The following MKLN1 variants were observed in gnomAD, a reference collection of about 807,000 sequenced individuals.
The protein encoded by MKLN1 is muskelin.
A neutral mutation model predicts 99.0 loss-of-function variants in MKLN1; 18 were observed. The ratio of observed to expected loss-of-function variants is 0.18; its 90% CI spans 0.13 to 0.27. The LOEUF (loss-of-function observed/expected upper bound fraction) is 0.27. Among genes scored for constraint, MKLN1 ranks in the 10% least tolerant of loss-of-function variants. The pLI, the probability that MKLN1 is intolerant of heterozygous loss-of-function variation, is 1.00. For synonymous variants in MKLN1, 288 were observed against 293.2 expected (o/e 0.98, Z 0.18); for missense variants, 621 against 875.9 (o/e 0.71, Z 3.67).
chr7:131,399,116 A>T (rs1773560607), intron 5 of MKLN1, 125 bp from the exon 6 acceptor site: 1 of 794,004 alleles, frequency 1.3e-6, no homozygotes, highest in Non-Finnish European at 2.0e-6. Flanking sequence ...CAGGTTAGTA[A>T]ACTGCTTGGC....
chr7:131,245,139 T>G (rs1034332820), intron 3 of MKLN1, among the ~76,000 whole-genome samples: 1 of 152,174 alleles, frequency 6.6e-6, no homozygotes, highest in Non-Finnish European at 1.5e-5. Context: ...ACCAAATCAC[T>G]GTTATTAATT....
chr7:131,233,179 AAAAC>A (rs760190482), intron 3 of MKLN1, among the ~76,000 whole-genome samples: 4 of 152,142 alleles, frequency 2.6e-5, no homozygotes, highest in Middle Eastern at 3.4e-3. Flanking sequence ...GTCTTGGCAA[AAAAC>A]AAACAAACAA....
chr7:131,201,101 C>A (rs546109193), intron 2 of MKLN1, among the ~76,000 whole-genome samples: 92 of 152,146 alleles, frequency 6.0e-4, no homozygotes, highest in Non-Finnish European at 8.4e-4. Flanking sequence ...CTCACTGCAA[C>A]CTTCGCCTCC....
At position 131,411,293 on chromosome 7, in the gene MKLN1, TC is replaced by T; in HGVS notation, c.704-12del. On this transcript the variant is annotated splice_polypyrimidine_tract_variant and intron_variant, in intron 6 of 17. Transcript: ENST00000352689. ...TTAAGGTGTAATTCTTTCTCATTCT[TC>T]AATATTTGCAGATGGCTTGTTCAAT... is the stretch of plus-strand genomic sequence containing the variant. 6.4e-7 allele frequency: 1 copy of T among 1,552,186 alleles called. No homozygotes were observed. Among genetic ancestry groups the T allele is most frequent in the Non-Finnish European group, 8.9e-7 (1 of 1,125,162 alleles).
chr7:131,237,274 C>CA (rs1248560127), intron 3 of MKLN1, among the ~76,000 whole-genome samples: 13 of 152,282 alleles, frequency 8.5e-5, no homozygotes, highest in Non-Finnish European at 1.5e-4. Flanking sequence ...TTTACATTCC[C>CA]ATACTCCTAT....
intron 5 of MKLN1, among the ~76,000 whole-genome samples, chr7:131,398,803 A>G (rs1472922791): frequency 6.6e-6 from 1 of 152,240 alleles, no homozygotes; most frequent in East Asian, 1.9e-4. Context: ...TCATTCAAGT[A>G]ATAGTTTATT....
At chr7:131,121,408 A>G (rs1795366814) in intron 1 of MKLN1, among the ~76,000 whole-genome samples, 1 of 152,074 alleles carries the variant, frequency 6.6e-6, no homozygotes, top group African/African-American at 2.4e-5. Context: ...AGAACCAACT[A>G]AATTCCTTTT....
chr7:131,201,376 T>C (rs1440229115), intron 2 of MKLN1, among the ~76,000 whole-genome samples: 1 of 152,214 alleles, frequency 6.6e-6, no homozygotes, highest in African/African-American at 2.4e-5. Flanking sequence ...CACTAAGGCA[T>C]ACTGAGGAAG....
At chr7:131,273,353 T>C (rs1170055429) in intron 3 of MKLN1, among the ~76,000 whole-genome samples, 2 of 128 alleles carry the variant, frequency 0.016, no homozygotes, top group African/African-American at 0.05. Flanking sequence ...AAAGGTCCAT[T>C]TTTTTAGCAT....
At chr7:131,329,483 A>G (rs550902628) in intron 1 of MKLN1, among the ~76,000 whole-genome samples, 8 of 152,332 alleles carry the variant, frequency 5.3e-5, no homozygotes, top group Non-Finnish European at 8.8e-5. Flanking sequence ...ATTCTGGGCT[A>G]TCTTGTTCTT....
intron 2 of MKLN1, among the ~76,000 whole-genome samples, chr7:131,380,841 G>C (rs1793825001): frequency 6.6e-6 from 1 of 152,118 alleles, no homozygotes; most frequent in Non-Finnish European, 1.5e-5. Context: ...CTTAAACTAT[G>C]GCAAGTATTT....
chr7:131,175,180 A>G (rs1234699278), intron 2 of MKLN1, among the ~76,000 whole-genome samples: 1 of 91,202 alleles, frequency 1.1e-5, no homozygotes, highest in Non-Finnish European at 2.1e-5. Flanking sequence ...GATTAGATAG[A>G]TAGACAGATA....
intron 14 of MKLN1, 112 bp downstream of exon 14, chr7:131,464,520 A>C (rs1339407648): frequency 1.7e-6 from 1 of 596,758 alleles, no homozygotes; most frequent in African/African-American, 1.8e-5. Context: ...TAAAATACAT[A>C]GTAGACATTC....
At chr7:131,377,450 T>C (rs1258331069) in intron 2 of MKLN1, among the ~76,000 whole-genome samples, 1 of 152,198 alleles carries the variant, frequency 6.6e-6, no homozygotes, top group Non-Finnish European at 1.5e-5. Flanking sequence ...CATATGTTAA[T>C]GGACTTACAT....
chr7:131,197,652 T>C (rs1192124154), intron 2 of MKLN1, among the ~76,000 whole-genome samples: 1 of 152,002 alleles, frequency 6.6e-6, no homozygotes, highest in African/African-American at 2.4e-5. Flanking sequence ...CAGCCTGACC[T>C]TGGATAATCA....
At chr7:131,332,778 T>A (rs1362314513) in intron 1 of MKLN1, among the ~76,000 whole-genome samples, 1 of 152,048 alleles carries the variant, frequency 6.6e-6, no homozygotes, top group East Asian at 1.9e-4. Flanking sequence ...TCTTTTTTTT[T>A]AAAGGGACAG....
intron 10 of MKLN1, among the ~76,000 whole-genome samples, chr7:131,440,334 A>G (rs777370926): frequency 6.6e-6 from 1 of 152,198 alleles, no homozygotes; most frequent in Non-Finnish European, 1.5e-5. Flanking sequence ...TAGAGAAGGT[A>G]TGGCTTCACC....
chr7:131,249,703 G>A (rs1478259869), intron 3 of MKLN1, among the ~76,000 whole-genome samples: 3 of 152,176 alleles, frequency 2.0e-5, no homozygotes, highest in African/African-American at 7.2e-5. Flanking sequence ...AGGAGAAAGG[G>A]CCCTCCAGGT....
chr7:131,154,444 G>C (rs1177190828), intron 2 of MKLN1, among the ~76,000 whole-genome samples: 3 of 152,176 alleles, frequency 2.0e-5, no homozygotes, highest in Non-Finnish European at 2.9e-5. Context: ...CTCAGCATGA[G>C]AGGAAGGGAA....
Sources: gnomAD v4.1 joint callset for allele counts (sites outside exome capture counted in the v4.1 genomes callset) on GRCh38, gnomAD v4.1.1 for gene constraint, MANE v1.5 for transcripts, NCBI Gene and HGNC (gene_info 2026-07-23, HGNC 2026-07-21) for gene names.